LAPTM4B: variants seen among roughly 807,000 people sequenced by gnomAD.
The protein encoded by LAPTM4B is lysosomal-associated transmembrane protein 4B.
In LAPTM4B, 26 loss-of-function variants were observed where a neutral mutation model predicts 28.5. The ratio of observed to expected loss-of-function variants is 0.91; its 90% confidence interval spans 0.67 to 1.27. LAPTM4B has a LOEUF of 1.27. Among genes scored for constraint, LAPTM4B ranks in the 50% most tolerant of loss-of-function variants. The pLI, the probability that LAPTM4B is intolerant of heterozygous loss-of-function variation, is 0.00. For synonymous variants in LAPTM4B, 109 were observed against 106.4 expected, an observed-to-expected ratio of 1.02 and a Z score of -0.15; for missense variants, 288 against 285.8, an observed-to-expected ratio of 1.01 and a Z score of -0.06.
chr8:97,845,692 AG>A (rs1457069573), intron 6 of LAPTM4B, among the ~76,000 whole-genome samples: 1 of 152,014 alleles, frequency 6.6e-6, no homozygotes, highest in Non-Finnish European at 1.5e-5. Flanking sequence ...TGGAAGCTCT[AG>A]ACACCCTCCC....
At chr8:97,848,518 A>G (rs1817466063) in intron 6 of LAPTM4B, among the ~76,000 whole-genome samples, 1 of 151,710 alleles carries the variant, frequency 6.6e-6, no homozygotes, top group African/African-American at 2.4e-5. Flanking sequence ...GCTGATTTTT[A>G]CCTTTTAAGT....
chr8:97,779,279 G>A (rs563555075), intron 1 of LAPTM4B, among the ~76,000 whole-genome samples: 35 of 151,770 alleles, frequency 2.3e-4, no homozygotes, highest in African/African-American at 8.0e-4. Flanking sequence ...TCAGGAGTTC[G>A]AGACCAGCCT....
intron 2 of LAPTM4B, among the ~76,000 whole-genome samples, chr8:97,812,502 C>A (rs1480302231): frequency 6.6e-6 from 1 of 152,084 alleles, no homozygotes; most frequent in Non-Finnish European, 1.5e-5. Flanking sequence ...CGACTGCGCC[C>A]GTCCTAAATG....
chr8:97,842,349 C>T (rs1817362512), intron 6 of LAPTM4B, among the ~76,000 whole-genome samples: 1 of 152,018 alleles, frequency 6.6e-6, no homozygotes, highest in Admixed American at 6.6e-5. Context: ...CAACCCCAGC[C>T]TTACTAGAAA....
chr8:97,775,797 G>A lies in LAPTM4B; in HGVS notation c.-213G>A, dbSNP rs778385578. On this transcript the variant is annotated 5_prime_UTR_variant, in exon 1 of 7. Transcript: ENST00000521545. The stretch of plus-strand genomic sequence containing the variant: ...GCCCCGCCCCCTCCCCGTCCCCGCC[G>A]CTGCAGCGGTCGCCTTCGGAGCGAA... 1.3e-6 allele frequency: 2 copies of A among 1,573,852 alleles called. No individual in the cohort carries two copies. Among genetic ancestry groups the A allele is most frequent in the South Asian group, 1.1e-5 (1 of 88,490 alleles).
chr8:97,832,767 C>T (rs1159923981), intron 6 of LAPTM4B, among the ~76,000 whole-genome samples: 4 of 149,150 alleles, frequency 2.7e-5, no homozygotes, highest in East Asian at 4.0e-4. Flanking sequence ...AGTGCACTGG[C>T]GCGATCTTGG....
At chr8:97,777,137 GTTTTTTTTTTTT>G (rs1176218610) in intron 1 of LAPTM4B, among the ~76,000 whole-genome samples, 6 of 83,840 alleles carry the variant, frequency 7.2e-5, no homozygotes, top group South Asian at 5.2e-4. Context: ...TTTCAGTGAG[GTTTTTTTTTTTT>G]TTTTTTTTTT....
At chr8:97,802,277 A>G (rs1009214815) in intron 1 of LAPTM4B, among the ~76,000 whole-genome samples, 4 of 152,232 alleles carry the variant, frequency 2.6e-5, no homozygotes, top group African/African-American at 9.6e-5. Flanking sequence ...TTATTTATTC[A>G]TTATATGCTA....
rs1458945588 is a variant in LAPTM4B, at chr8:97,808,938, G to A, written c.211+3474G>A. ...ATCATGCCACTACACTCCAGCCTGG[G>A]CGACAGAGCAAGACTGCATCTCAGA... On this transcript the variant is annotated intron_variant, in intron 2 of 6. Coordinates refer to ENST00000521545, the MANE Select transcript of LAPTM4B (RefSeq NM_018407.6). 2.0e-5 allele frequency among the ~76,000 whole-genome samples: 3 copies of A among 152,078 alleles called. No homozygotes were observed. The East Asian group carries it at 5.8e-4, about 29-fold the overall frequency.
chr8:97,824,726 G>A (rs1296775822), intron 5 of LAPTM4B, among the ~76,000 whole-genome samples: 1 of 152,170 alleles, frequency 6.6e-6, no homozygotes, highest in Non-Finnish European at 1.5e-5. Context: ...ATTCAGGAGC[G>A]ATAATGTTAA....
chr8:97,787,412 A>C (rs1175505222), intron 1 of LAPTM4B, among the ~76,000 whole-genome samples: 2 of 151,032 alleles, frequency 1.3e-5, no homozygotes, highest in African/African-American at 4.9e-5. Context: ...CAGCCTCCCG[A>C]GTAGCTGGGA....
chr8:97,796,033 G>T (rs536110810), intron 1 of LAPTM4B, among the ~76,000 whole-genome samples: 3 of 112,128 alleles, frequency 2.7e-5, no homozygotes, highest in South Asian at 2.8e-4. Flanking sequence ...TCAACCTCCC[G>T]GGCTCAAGCG....
chr8:97,849,479 A>T (rs1057240253), intron 6 of LAPTM4B, among the ~76,000 whole-genome samples: 1 of 151,816 alleles, frequency 6.6e-6, no homozygotes, highest in African/African-American at 2.4e-5. Context: ...TATCTTGCCT[A>T]CTCCATTCCT....
At chr8:97,808,913 A>G (rs1816790761) in intron 2 of LAPTM4B, among the ~76,000 whole-genome samples, 1 of 152,136 alleles carries the variant, frequency 6.6e-6, no homozygotes, top group South Asian at 2.1e-4. Flanking sequence ...GTGAGCCGAG[A>G]TCATGCCACT....
intron 1 of LAPTM4B, among the ~76,000 whole-genome samples, chr8:97,782,938 A>ATTTATTTG (rs1318698267): frequency 6.2e-5 from 9 of 146,086 alleles, no homozygotes; most frequent in African/African-American, 2.3e-4. Context: ...TTATTTATTT[A>ATTTATTTG]TTTATTTATT....
At chr8:97,848,414 T>C (rs1477320074) in intron 6 of LAPTM4B, among the ~76,000 whole-genome samples, 4 of 151,960 alleles carry the variant, frequency 2.6e-5, no homozygotes, top group Non-Finnish European at 5.9e-5. Flanking sequence ...ATTTTTTTTT[T>C]CAAGAATATC....
chr8:97,828,713 C>T lies in LAPTM4B; in HGVS notation c.603+3560C>T, dbSNP rs376368290. On this transcript the variant is annotated intron_variant, in intron 6 of 6. Coordinates refer to ENST00000521545, the MANE Select transcript of LAPTM4B (RefSeq NM_018407.6). ...TGGAGGACAACTGCGGCTAAGGAAT[C>T]GACTTGGGATTGGAGGACAGAAAGT... 1.6e-4 allele frequency among the ~76,000 whole-genome samples: 24 copies of T among 152,258 alleles called. No individual in the cohort carries two copies. In the East Asian group the frequency reaches 4.2e-3, roughly 27 times the overall value.
Position 97,805,386 on chromosome 8 carries a change from A to C in LAPTM4B, c.133A>C (p.Ser45Arg). Residue 45 changes from serine (S) to arginine (R), a missense_variant, in exon 2 of 7, where the codon AGT (serine) becomes CGT (arginine). Physicochemically the swap from Ser to Arg is moderately radical, Grantham distance 110. Coordinates refer to ENST00000521545, the MANE Select transcript of LAPTM4B (RefSeq NM_018407.6). The stretch of plus-strand genomic sequence containing the variant: ...TGCTGTGGTACTGTTGATTTTATTG[A>C]GTGCCCTGGCTGATCCGGATCAGTA... The part of the protein sequence containing the change: ...INAVVLLILL[S>R]ALADPDQYNF... 6.4e-7 allele frequency: 1 copy of C among 1,569,778 alleles called. No homozygotes were observed. Among genetic ancestry groups the C allele is most frequent in the Non-Finnish European group, 8.7e-7 (1 of 1,155,292 alleles).
intron 1 of LAPTM4B, among the ~76,000 whole-genome samples, chr8:97,786,998 G>GC (rs1473799817): frequency 6.6e-6 from 1 of 152,082 alleles, no homozygotes; most frequent in African/African-American, 2.4e-5. Flanking sequence ...AGAGACCCAG[G>GC]CTGGGGGGTG....
Sources: allele counts gnomAD v4.1 joint callset (sites outside exome capture counted in the v4.1 genomes callset), GRCh38; gene constraint gnomAD v4.1.1; transcripts MANE v1.5; gene names NCBI Gene and HGNC (gene_info 2026-07-23, HGNC 2026-07-21).